Variants in INPP5B observed in about 807,000 individuals in gnomAD.
The protein encoded by INPP5B is inositol polyphosphate-5-phosphatase B.
INPP5B carries 90 observed loss-of-function variants against 118.5 expected under a neutral mutation model. That is an observed-to-expected ratio of 0.76 (90% CI 0.64 to 0.90). INPP5B has a LOEUF of 0.90. INPP5B is among the 40% of genes least tolerant of loss of function. The pLI is 0.00. For synonymous variants in INPP5B, 385 were observed against 418.9 expected (o/e 0.92, Z 0.99); for missense variants, 984 against 1,125.6 (o/e 0.87, Z 1.80).
At position 37,880,194 on chromosome 1, in the gene INPP5B, G is replaced by A; in HGVS notation, c.1432C>T (p.Leu478=). 6.2e-7 allele frequency: 1 copy of A among 1,601,778 alleles called. No homozygotes were observed. Among genetic ancestry groups the A allele is most frequent in the Non-Finnish European group, 8.5e-7 (1 of 1,171,284 alleles). The change falls in exon 15 of 24, where the codon CTG becomes TTG. Residue 478 remains leucine (L), a splice_region_variant and synonymous_variant. Coordinates refer to ENST00000373024, the MANE Select transcript of INPP5B (RefSeq NM_005540.3). The part of the protein sequence containing the change: ...DFQMLYAYDQ[L]KIQVAAKTVF... Reference sequence around the variant, plus strand: ...GTCTTTGCGGCCACCTGAATTTTCAGCTATACAAAAGGATGGGAGAAAAAA... The same window carrying A: ...GTCTTTGCGGCCACCTGAATTTTCAACTATACAAAAGGATGGGAGAAAAAA...
At chr1:37,876,288 G>A (rs1164210098) in intron 16 of INPP5B, among the ~76,000 whole-genome samples, 3 of 151,514 alleles carry the variant, frequency 2.0e-5, no homozygotes, top group Non-Finnish European at 4.4e-5. Flanking sequence ...ACTTTTTGTA[G>A]AGATGAGGGG....
intron 14 of INPP5B, among the ~76,000 whole-genome samples, chr1:37,881,130 T>C (rs1643174524): frequency 6.6e-6 from 1 of 152,254 alleles, no homozygotes; most frequent in African/African-American, 2.4e-5. Context: ...AGTTTTTCTC[T>C]TCCAGGTATC....
At chr1:37,931,840 A>C in intron 7 of INPP5B, 73 bp downstream of exon 7, 1 of 1,611,042 alleles carries the variant, frequency 6.2e-7, no homozygotes, top group Non-Finnish European at 8.5e-7. Flanking sequence ...TCCGCCCCAA[A>C]ACAGAACGGA....
intron 5 of INPP5B, chr1:37,941,976 A>ATATATATATATATATATAT (rs1232116164): frequency 1.1e-5 from 1 of 94,364 alleles, no homozygotes. Context: ...TATATATATA[A>ATATATATATATATATATAT]AATAAAATAA....
chr1:37,934,121 G>A (rs1167598960), intron 6 of INPP5B, among the ~76,000 whole-genome samples: 2 of 151,612 alleles, frequency 1.3e-5, no homozygotes, highest in African/African-American at 4.9e-5. Flanking sequence ...TTTAGTAGAG[G>A]CGAGGTTTCA....
At chr1:37,937,873 C>T (rs996383839) in intron 6 of INPP5B, among the ~76,000 whole-genome samples, 1 of 150,976 alleles carries the variant, frequency 6.6e-6, no homozygotes, top group Non-Finnish European at 1.5e-5. Flanking sequence ...GAGGCTGAAG[C>T]AGGAGAATCG....
chr1:37,897,229 G>T (rs1356680864), intron 7 of INPP5B, among the ~76,000 whole-genome samples: 1 of 151,622 alleles, frequency 6.6e-6, no homozygotes, highest in African/African-American at 2.4e-5. Flanking sequence ...CCGTCTGGGA[G>T]GTGTACCCAA....
chr1:37,865,976 C>A (rs1642004641), intron 21 of INPP5B, 88 bp from the exon 22 acceptor site: 1 of 1,569,022 alleles, frequency 6.4e-7, no homozygotes, highest in African/African-American at 1.4e-5. Context: ...GAAGTGCTGC[C>A]TGCCCTGTCA....
chr1:37,889,427 T>C, intron 9 of INPP5B, 130 bp downstream of exon 9: 1 of 714,076 alleles, frequency 1.4e-6, no homozygotes, highest in South Asian at 2.2e-5. Flanking sequence ...GAATCACTCA[T>C]TTTGAAAATG....
At chr1:37,891,175 C>T (rs1340844734) in intron 8 of INPP5B, among the ~76,000 whole-genome samples, 183 bp downstream of exon 8, 3 of 149,362 alleles carry the variant, frequency 2.0e-5, no homozygotes, top group South Asian at 2.1e-4. Flanking sequence ...TGCGGTGAGC[C>T]GAGATCATGC....
At chr1:37,881,043 T>G (rs946397704) in intron 14 of INPP5B, among the ~76,000 whole-genome samples, 1 of 152,196 alleles carries the variant, frequency 6.6e-6, no homozygotes, top group South Asian at 2.1e-4. Context: ...CATAAGAGCA[T>G]AGCTACACCC....
chr1:37,875,336 T>C (rs1015673514), intron 17 of INPP5B, among the ~76,000 whole-genome samples: 3 of 152,170 alleles, frequency 2.0e-5, no homozygotes, highest in Non-Finnish European at 4.4e-5. Flanking sequence ...TGGCGCGATC[T>C]CGGCTCACTG....
chr1:37,883,220 G>T (rs1643313827), intron 13 of INPP5B: 1 of 985,236 alleles, frequency 1.0e-6, no homozygotes, highest in African/African-American at 1.7e-5. Flanking sequence ...CCCCATTCCT[G>T]GGAAGAGGGA....
intron 5 of INPP5B, among the ~76,000 whole-genome samples, chr1:37,941,089 G>A (rs1293180287): frequency 1.3e-5 from 2 of 152,042 alleles, no homozygotes; most frequent in Non-Finnish European, 2.9e-5. Flanking sequence ...TGGATGTGTA[G>A]TCTGTTCCCC....
At chr1:37,917,678 C>T (rs1321944524) in intron 7 of INPP5B, among the ~76,000 whole-genome samples, 2 of 151,886 alleles carry the variant, frequency 1.3e-5, no homozygotes, top group Non-Finnish European at 2.9e-5. Flanking sequence ...GCCTGTAATC[C>T]CAGCACTTTG....
chr1:37,888,776 G>A (rs1296264698), intron 9 of INPP5B, among the ~76,000 whole-genome samples: 1 of 152,120 alleles, frequency 6.6e-6, no homozygotes, highest in African/African-American at 2.4e-5. Flanking sequence ...TTATCTTATA[G>A]TCCCAATGCA....
At chr1:37,935,405 GC>G (rs1645648282) in intron 6 of INPP5B, among the ~76,000 whole-genome samples, 1 of 151,056 alleles carries the variant, frequency 6.6e-6, no homozygotes, top group Non-Finnish European at 1.5e-5. Context: ...TATTGGTCAG[GC>G]TGGTCTTGAA....
At chr1:37,868,189 TGTAATCC>T (rs1326810817) in intron 20 of INPP5B, among the ~76,000 whole-genome samples, 1 of 151,974 alleles carries the variant, frequency 6.6e-6, no homozygotes, top group Non-Finnish European at 1.5e-5. Context: ...GGCAGGTGCC[TGTAATCC>T]CAGCTACCTG....
chr1:37,891,517 G>A, intron 7 of INPP5B, 63 bp from the exon 8 acceptor site: 7 of 1,242,004 alleles, frequency 5.6e-6, no homozygotes, highest in Non-Finnish European at 8.3e-6. Context: ...GCTCATGCCT[G>A]TAATCCCAGC....
Sources: allele counts gnomAD v4.1 joint callset (sites outside exome capture counted in the v4.1 genomes callset), GRCh38; gene constraint gnomAD v4.1.1; transcripts MANE v1.5; gene names NCBI Gene and HGNC (gene_info 2026-07-23, HGNC 2026-07-21).